PTPRG: variants seen among roughly 807,000 people sequenced by gnomAD.
The protein encoded by PTPRG is protein tyrosine phosphatase receptor type G.
PTPRG carries 102 observed loss-of-function variants against 165.3 expected under a neutral mutation model. That is an observed-to-expected ratio of 0.62 (90% CI 0.53 to 0.73). The LOEUF (loss-of-function observed/expected upper bound fraction) is 0.73. PTPRG is among the 30% of genes least tolerant of loss of function. The probability of loss-of-function intolerance (pLI) is 0.00; values close to 1 mark genes in which losing one functional copy is unlikely to be tolerated. For missense variants in PTPRG, 1,866 were observed against 1,861.4 expected (o/e 1.00, Z -0.05); for synonymous variants, 675 against 669.5 (o/e 1.01, Z -0.13).
At chr3:62,175,183 T>C (rs1705368211) in intron 8 of PTPRG, among the ~76,000 whole-genome samples, 1 of 152,226 alleles carries the variant, frequency 6.6e-6, no homozygotes, top group East Asian at 1.9e-4. Flanking sequence ...TGATATTTTA[T>C]AGACTTTTAA....
At chr3:61,781,752 G>A (rs1367003230) in intron 2 of PTPRG, among the ~76,000 whole-genome samples, 3 of 151,870 alleles carry the variant, frequency 2.0e-5, no homozygotes, top group African/African-American at 7.2e-5. Flanking sequence ...TTTTGAGATA[G>A]GGTCTTACTC....
chr3:62,031,406 G>T (rs1407946364), intron 4 of PTPRG, among the ~76,000 whole-genome samples: 1 of 152,198 alleles, frequency 6.6e-6, no homozygotes, highest in Non-Finnish European at 1.5e-5. Context: ...TTTAGGAAGA[G>T]AGTGGCACAT....
At chr3:61,878,186 T>A (rs1559664255) in intron 2 of PTPRG, among the ~76,000 whole-genome samples, 1 of 152,174 alleles carries the variant, frequency 6.6e-6, no homozygotes, top group Non-Finnish European at 1.5e-5. Context: ...TATTGGGGAA[T>A]TTGCTATGTC....
At chr3:61,787,178 C>G (rs1370114887) in intron 2 of PTPRG, among the ~76,000 whole-genome samples, 2 of 152,088 alleles carry the variant, frequency 1.3e-5, no homozygotes, top group African/African-American at 2.4e-5. Context: ...CTGTTCTTCT[C>G]TCCGTCCTAA....
Position 61,788,951 on chromosome 3 carries a change from G to C in PTPRG, c.190+39969G>C, listed in dbSNP as rs191472489. Among the ~76,000 whole-genome samples the C allele has an allele frequency of 8.7e-4, 133 of 152,292 alleles. 1 individual carries two copies. The highest frequency in any genetic ancestry group is 1.5e-3 in the Non-Finnish European group (101 of 68,024). ...TGACAAATTCTCACTTTGGGACTTA[G>C]TCATTGTTGCTGCTCTCTGTTATTT... On this transcript the variant is annotated intron_variant, in intron 2 of 29. Coordinates refer to ENST00000474889, the MANE Select transcript of PTPRG (RefSeq NM_002841.4).
At chr3:62,239,325 A>G (rs1701102295) in intron 14 of PTPRG, among the ~76,000 whole-genome samples, 1 of 148,986 alleles carries the variant, frequency 6.7e-6, no homozygotes, top group African/African-American at 2.5e-5. Context: ...ACTTCGAGAA[A>G]TTCTTTTTTT....
At chr3:62,017,100 A>G (rs993992637) in intron 4 of PTPRG, among the ~76,000 whole-genome samples, 4 of 152,142 alleles carry the variant, frequency 2.6e-5, no homozygotes, top group African/African-American at 4.8e-5. Context: ...CTGTCTGTCT[A>G]CTGTTGAATC....
intron 5 of PTPRG, among the ~76,000 whole-genome samples, chr3:62,127,036 A>T (rs1293200526): frequency 6.6e-6 from 1 of 152,258 alleles, no homozygotes; most frequent in Non-Finnish European, 1.5e-5. Flanking sequence ...AAGACTAAAA[A>T]GAAAAGTCAG....
At chr3:61,685,674 G>T (rs780416807) in intron 1 of PTPRG, among the ~76,000 whole-genome samples, 27 of 152,194 alleles carry the variant, frequency 1.8e-4, no homozygotes, top group Admixed American at 3.9e-4. Context: ...GCTCCAAGTT[G>T]TACCCCTGCT....
chr3:61,906,312 C>T (rs1045590589), intron 2 of PTPRG, among the ~76,000 whole-genome samples: 1 of 151,390 alleles, frequency 6.6e-6, no homozygotes, highest in Middle Eastern at 3.4e-3. Context: ...AAAAATTAGC[C>T]GGGTGTGATG....
chr3:62,018,599 G>A (rs539802175), intron 4 of PTPRG, among the ~76,000 whole-genome samples: 2 of 152,170 alleles, frequency 1.3e-5, no homozygotes, highest in Admixed American at 6.5e-5. Flanking sequence ...CTCTTCAAAT[G>A]GTAGTCTAAG....
rs968846929 is a variant in PTPRG, at chr3:62,233,124, C to T, written c.2375+1813C>T. On this transcript the variant is annotated intron_variant, in intron 14 of 29. Coordinates refer to ENST00000474889, the MANE Select transcript of PTPRG (RefSeq NM_002841.4). This position sits in a 1 kb window ranked among gnomAD's most constrained non-coding sequence, Gnocchi z 4.7. ...GGAAATTCAGGCTCTGAGAAGTTGT[C>T]ACTTGGCTAAGCCACCCTGCCTAAG... Among the ~76,000 whole-genome samples the T allele has an allele frequency of 6.6e-6, 1 of 152,118 alleles. No individual in the cohort carries two copies. Among genetic ancestry groups the T allele is most frequent in the African/African-American group, 2.4e-5 (1 of 41,418 alleles).
At chr3:62,079,905 A>T (rs922716250) in intron 5 of PTPRG, among the ~76,000 whole-genome samples, 1 of 152,150 alleles carries the variant, frequency 6.6e-6, no homozygotes, top group Non-Finnish European at 1.5e-5. Context: ...CATAGCGGAC[A>T]CTTGGAAATT....
chr3:61,815,002 TCTC>T (rs757437104), intron 2 of PTPRG, among the ~76,000 whole-genome samples: 1 of 152,078 alleles, frequency 6.6e-6, no homozygotes, highest in Non-Finnish European at 1.5e-5. Flanking sequence ...TAGTACATTT[TCTC>T]CTCTGCAGGG....
chr3:61,568,136 T>C (rs911438418), intron 1 of PTPRG, among the ~76,000 whole-genome samples: 1 of 152,186 alleles, frequency 6.6e-6, no homozygotes, highest in African/African-American at 2.4e-5. Flanking sequence ...TTTTTGGTAT[T>C]GTGTTTATGT....
chr3:61,642,342 C>T (rs993663246), intron 1 of PTPRG, among the ~76,000 whole-genome samples: 5 of 152,140 alleles, frequency 3.3e-5, no homozygotes, highest in African/African-American at 1.2e-4. Context: ...TGCTTTGCTG[C>T]TCATATGCGA....
intron 8 of PTPRG, among the ~76,000 whole-genome samples, chr3:62,186,637 G>C (rs1022954922): frequency 6.8e-6 from 1 of 146,712 alleles, no homozygotes; most frequent in Non-Finnish European, 1.5e-5. Context: ...CATGATCAAA[G>C]CTCACGGCAA....
At chr3:62,076,106 C>T (rs1283777545) in intron 4 of PTPRG, among the ~76,000 whole-genome samples, 1 of 151,878 alleles carries the variant, frequency 6.6e-6, no homozygotes, top group African/African-American at 2.4e-5. Flanking sequence ...TGAGACGCTG[C>T]CTCTAAAAAT....
At chr3:62,264,352 T>C (rs1432236078) in intron 17 of PTPRG, among the ~76,000 whole-genome samples, 1 of 151,368 alleles carries the variant, frequency 6.6e-6, no homozygotes, top group African/African-American at 2.4e-5. Flanking sequence ...AACTCTGGGG[T>C]TTTAGTATAT....
Sources: allele counts gnomAD v4.1 joint callset (sites outside exome capture counted in the v4.1 genomes callset), GRCh38; gene constraint gnomAD v4.1.1; non-coding constraint Gnocchi (gnomAD v3.1); transcripts MANE v1.5; gene names NCBI Gene and HGNC (gene_info 2026-07-23, HGNC 2026-07-21).